Variants in THOC1 observed in about 807,000 individuals in gnomAD.
THOC1 encodes the protein THO complex 1.
In THOC1, 29 loss-of-function variants were observed where a neutral mutation model predicts 97.3. That is an observed-to-expected ratio of 0.30 (90% CI 0.22 to 0.41). The LOEUF is 0.41. Ranked by LOEUF, THOC1 falls within the 10% of genes least tolerant of loss-of-function variation. The pLI is 1.00. For synonymous variants in THOC1, 255 were observed against 257.0 expected, an observed-to-expected ratio of 0.99 and a Z score of 0.07; for missense variants, 529 against 761.9, an observed-to-expected ratio of 0.69 and a Z score of 3.60.
chr18:261,546 G>A (rs961509633), intron 4 of THOC1, among the ~76,000 whole-genome samples: 2 of 152,146 alleles, frequency 1.3e-5, no homozygotes, highest in Admixed American at 1.3e-4. Context: ...CTCAAACAGT[G>A]AGCTCCACTA....
chr18:237,227 G>A (rs1173732328), intron 11 of THOC1, among the ~76,000 whole-genome samples: 7 of 146,730 alleles, frequency 4.8e-5, no homozygotes, highest in Non-Finnish European at 1.0e-4. Flanking sequence ...TGGCACAATC[G>A]TGGCTTACTA....
chr18:246,602 T>C (rs188294019), intron 10 of THOC1, 147 bp from the exon 11 acceptor site: 55 of 625,048 alleles, frequency 8.8e-5, no homozygotes, highest in Admixed American at 6.6e-4. Context: ...CAAATTATGA[T>C]AGCAGAATGG....
chr18:225,045 C>G (rs915835551), intron 14 of THOC1, 44 bp downstream of exon 14: 20 of 1,564,844 alleles, frequency 1.3e-5, no homozygotes, highest in Non-Finnish European at 1.7e-5. Context: ...CTCTGAAGTT[C>G]TATTTCGTGC....
chr18:260,161 C>T (rs1912560133), intron 5 of THOC1, 25 bp downstream of exon 5: 1 of 1,393,026 alleles, frequency 7.2e-7, no homozygotes, highest in African/African-American at 1.5e-5. Flanking sequence ...ATAAAGTTAG[C>T]AGGAAAAGAA....
chr18:266,780 G>T (rs991457259), intron 1 of THOC1, among the ~76,000 whole-genome samples: 3 of 151,962 alleles, frequency 2.0e-5, no homozygotes, highest in African/African-American at 7.2e-5. Flanking sequence ...CAGGTGATCC[G>T]CCCGCCTCGG....
chr18:218,264 TAGTA>T (rs769112722), intron 18 of THOC1, among the ~76,000 whole-genome samples: 211 of 152,310 alleles, frequency 1.4e-3, no homozygotes, highest in Non-Finnish European at 2.6e-3. Flanking sequence ...CTTAGTTGCC[TAGTA>T]AGTAAGTGGT....
Position 222,973 on chromosome 18 carries a change from T to C in THOC1, c.1370+467A>G, listed in dbSNP as rs150751031. 3.6e-3 allele frequency among the ~76,000 whole-genome samples: 541 copies of C among 152,176 alleles called. 1 individual carries two copies. Among genetic ancestry groups the C allele is most frequent in the African/African-American group, 0.012 (504 of 41,558 alleles). On this transcript the variant is annotated intron_variant, in intron 17 of 20. Transcript: ENST00000261600. ...GATGTTTGCTGGACCTCCTCAACTA[T>C]CATTAAGTCATCGTTTCTAACTCTG...
At chr18:259,600 T>C in intron 6 of THOC1, 82 bp downstream of exon 6, 1 of 1,006,540 alleles carries the variant, frequency 9.9e-7, no homozygotes, top group Non-Finnish European at 1.5e-6. Flanking sequence ...TAAAATGTTA[T>C]CACTGGTATT....
chr18:232,482 C>T (rs542719629), intron 11 of THOC1, among the ~76,000 whole-genome samples: 9 of 151,744 alleles, frequency 5.9e-5, no homozygotes, highest in South Asian at 2.1e-4. Context: ...AGAACTGTCA[C>T]GTAAAATTAT....
At chr18:250,323 T>G (rs1912238994) in intron 9 of THOC1, among the ~76,000 whole-genome samples, 1 of 152,350 alleles carries the variant, frequency 6.6e-6, no homozygotes, top group East Asian at 1.9e-4. Context: ...ATTACCTTCC[T>G]GTTCATTCTT....
chr18:248,049 T>C, intron 9 of THOC1, 92 bp from the exon 10 acceptor site: 4 of 818,940 alleles, frequency 4.9e-6, no homozygotes, highest in Non-Finnish European at 1.9e-6. Context: ...CAAACCGTTT[T>C]CAGAAGCTAA....
intron 11 of THOC1, among the ~76,000 whole-genome samples, chr18:237,522 G>A (rs1911748781): frequency 2.6e-5 from 4 of 151,878 alleles, no homozygotes; most frequent in South Asian, 4.2e-4. Context: ...AATCCTGGAC[G>A]AGCTGTTAAA....
At chr18:255,584 G>A (rs750430908) in intron 7 of THOC1, among the ~76,000 whole-genome samples, 6 of 152,166 alleles carry the variant, frequency 3.9e-5, no homozygotes, top group East Asian at 3.8e-4. Flanking sequence ...AGCCCTCTCC[G>A]TAACATAATA....
At chr18:223,656 A>G (rs1278264554) in intron 16 of THOC1, among the ~76,000 whole-genome samples, 151 bp from the exon 17 acceptor site, 1 of 152,210 alleles carries the variant, frequency 6.6e-6, no homozygotes, top group East Asian at 1.9e-4. Flanking sequence ...TTGGTATTTA[A>G]AATACCTAAA....
Position 242,494 on chromosome 18 carries a change from A to G in THOC1, c.918+3830T>C, listed in dbSNP as rs11080944. Among the ~76,000 whole-genome samples, 32,037 of 151,984 alleles carry G rather than the reference A, an allele frequency of 0.21. 3,920 individuals carry two copies. Among genetic ancestry groups the G allele is most frequent in the South Asian group, 0.35 (1,669 of 4,808 alleles). On this transcript the variant is annotated intron_variant, in intron 11 of 20. Coordinates refer to ENST00000261600, the MANE Select transcript of THOC1 (RefSeq NM_005131.3). The surrounding 1 kb of genome is among the most constrained non-coding windows in gnomAD (Gnocchi z 4.5). ...CCTTGCCAAGCATTGTTTCCGGACT[A>G]TCCCTAAGGAAAAGTCTGACCAGAT...
intron 20 of THOC1, 27 bp from the exon 21 acceptor site, chr18:214,948 T>G: frequency 1.9e-6 from 3 of 1,606,316 alleles, no homozygotes; most frequent in Non-Finnish European, 2.6e-6. Flanking sequence ...ATATAAATTA[T>G]GCGCAATTCT....
Position 254,739 on chromosome 18 carries a change from G to A in THOC1, c.521-384C>T, listed in dbSNP as rs2143280194. On this transcript the variant is annotated intron_variant, in intron 7 of 20. Transcript: ENST00000261600. This position sits in a 1 kb window ranked among gnomAD's most constrained non-coding sequence, Gnocchi z 4.1. ...ATGATCTGTGATCAGTGATCTTTGA[G>A]GTTAACATTGTCATTGTTTTGCCAC... is the stretch of plus-strand genomic sequence containing the variant. Among the ~76,000 whole-genome samples, 1 of 151,922 alleles carries A rather than the reference G, an allele frequency of 6.6e-6. No homozygotes were observed. Among genetic ancestry groups the A allele is most frequent in the Middle Eastern group, 3.5e-3 (1 of 288 alleles).
At chr18:262,445 A>C (rs1465082176) in intron 4 of THOC1, among the ~76,000 whole-genome samples, 1 of 152,258 alleles carries the variant, frequency 6.6e-6, no homozygotes. Flanking sequence ...ATTATCCCTA[A>C]AATAAAAATG....
chr18:224,807 G>A (rs1443742782), intron 15 of THOC1, 117 bp downstream of exon 15: 2 of 812,460 alleles, frequency 2.5e-6, no homozygotes, highest in African/African-American at 1.7e-5. Context: ...CATTTTTTAT[G>A]TGAAATATAT....
Sources: gnomAD v4.1 joint callset for allele counts (sites outside exome capture counted in the v4.1 genomes callset) on GRCh38, gnomAD v4.1.1 for gene constraint, Gnocchi (gnomAD v3.1) non-coding constraint, MANE v1.5 for transcripts, NCBI Gene and HGNC (gene_info 2026-07-23, HGNC 2026-07-21) for gene names.